UBE2E2: variants seen among roughly 807,000 people sequenced by gnomAD.
UBE2E2 encodes the protein ubiquitin-conjugating enzyme E2 E2.
A neutral mutation model predicts 24.7 loss-of-function variants in UBE2E2; 6 were observed. That is an observed-to-expected ratio of 0.24 (90% confidence interval 0.13 to 0.48). UBE2E2 has a LOEUF of 0.48. Among genes scored for constraint, UBE2E2 ranks in the 20% least tolerant of loss-of-function variants. The probability of loss-of-function intolerance (pLI) is 0.99; values close to 1 mark genes in which losing one functional copy is unlikely to be tolerated. For synonymous variants in UBE2E2, 104 were observed against 83.6 expected, an observed-to-expected ratio of 1.24 and a Z score of -1.33; for missense variants, 169 against 245.0, an observed-to-expected ratio of 0.69 and a Z score of 2.07.
At chr3:23,545,002 A>G (rs1400979435) in intron 5 of UBE2E2, among the ~76,000 whole-genome samples, 2 of 152,218 alleles carry the variant, frequency 1.3e-5, no homozygotes, top group East Asian at 1.9e-4. Context: ...AAACATCTCA[A>G]TGCTTTACAA....
intron 5 of UBE2E2, among the ~76,000 whole-genome samples, chr3:23,566,450 T>C (rs1443296535): frequency 1.3e-5 from 2 of 152,148 alleles, no homozygotes; most frequent in African/African-American, 4.8e-5. Flanking sequence ...ACTCCAGACA[T>C]GTGTTAGTCC....
At chr3:23,333,646 G>A (rs896525746) in intron 3 of UBE2E2, among the ~76,000 whole-genome samples, 2 of 152,086 alleles carry the variant, frequency 1.3e-5, no homozygotes, top group African/African-American at 4.8e-5. Context: ...ATGAATGACA[G>A]TGTTAAAATA....
At chr3:23,249,800 C>T (rs1697523786) in intron 3 of UBE2E2, among the ~76,000 whole-genome samples, 1 of 151,974 alleles carries the variant, frequency 6.6e-6, no homozygotes, top group African/African-American at 2.4e-5. Context: ...GGACTACAGG[C>T]ACCCGCCACC....
chr3:23,306,230 G>T (rs561290971), intron 3 of UBE2E2, among the ~76,000 whole-genome samples: 1 of 152,186 alleles, frequency 6.6e-6, no homozygotes, highest in Non-Finnish European at 1.5e-5. Flanking sequence ...AGTCTATTCT[G>T]TTATTTGAGG....
chr3:23,363,347 C>G, intron 3 of UBE2E2, among the ~76,000 whole-genome samples: 1 of 152,184 alleles, frequency 6.6e-6, no homozygotes, highest in Non-Finnish European at 1.5e-5. Flanking sequence ...TTAAAAGGCA[C>G]AGAATGACAG....
intron 3 of UBE2E2, among the ~76,000 whole-genome samples, chr3:23,303,607 G>T (rs1699161355): frequency 6.6e-6 from 1 of 152,112 alleles, no homozygotes. Flanking sequence ...TAATAAGAAT[G>T]CATTTAAATA....
At chr3:23,222,351 TTTG>T (rs1696672429) in intron 3 of UBE2E2, among the ~76,000 whole-genome samples, 1 of 152,158 alleles carries the variant, frequency 6.6e-6, no homozygotes, top group Non-Finnish European at 1.5e-5. Flanking sequence ...CTCCTTTCTT[TTTG>T]ATATATACTG....
intron 3 of UBE2E2, among the ~76,000 whole-genome samples, chr3:23,230,049 A>G (rs1196282858): frequency 6.6e-6 from 1 of 152,218 alleles, no homozygotes; most frequent in Non-Finnish European, 1.5e-5. Flanking sequence ...ATACATAACT[A>G]CATACTACGT....
chr3:23,584,462 TG>T (rs143657873), intron 5 of UBE2E2, among the ~76,000 whole-genome samples: 2,253 of 152,160 alleles, frequency 0.015, 62 homozygotes, highest in African/African-American at 0.051. Flanking sequence ...AGAGGCAAGG[TG>T]GGAGTTGTCT....
chr3:23,316,701 T>C (rs1450738284), intron 3 of UBE2E2, among the ~76,000 whole-genome samples: 1 of 151,928 alleles, frequency 6.6e-6, no homozygotes, highest in Non-Finnish European at 1.5e-5. Flanking sequence ...GCTGGGAATG[T>C]TCTGGGTCAT....
Position 23,335,982 on chromosome 3 carries a change from C to T in UBE2E2, c.227+118670C>T, listed in dbSNP as rs372664577. 1.4e-4 allele frequency among the ~76,000 whole-genome samples: 22 copies of T among 152,180 alleles called. No individual in the cohort carries two copies. The South Asian group carries it at 1.9e-3, about 13-fold the overall frequency. On this transcript the variant is annotated intron_variant, in intron 3 of 5. Transcript: ENST00000396703. Reference sequence around the variant, plus strand: ...CCCAGTGCCTCAAAATACCAGATACCGTGTTCATCATTCTCTCAGACATGA... The same window carrying T: ...CCCAGTGCCTCAAAATACCAGATACTGTGTTCATCATTCTCTCAGACATGA...
At chr3:23,561,427 C>T (rs1212846381) in intron 5 of UBE2E2, among the ~76,000 whole-genome samples, 4 of 152,094 alleles carry the variant, frequency 2.6e-5, no homozygotes, top group Admixed American at 6.6e-5. Context: ...TTCCATTGGT[C>T]TATATCTCTG....
chr3:23,456,639 A>G (rs1698685539), intron 3 of UBE2E2, among the ~76,000 whole-genome samples: 1 of 152,212 alleles, frequency 6.6e-6, no homozygotes, highest in South Asian at 2.1e-4. Context: ...TTGTTTTTGA[A>G]CAGTAGGTCT....
intron 3 of UBE2E2, among the ~76,000 whole-genome samples, chr3:23,400,869 G>C (rs1697206447): frequency 6.6e-6 from 1 of 151,846 alleles, no homozygotes; most frequent in African/African-American, 2.4e-5. Flanking sequence ...AGGCTATTCT[G>C]GGTACTAGGG....
intron 3 of UBE2E2, among the ~76,000 whole-genome samples, chr3:23,421,644 G>T (rs1183941729): frequency 6.6e-6 from 1 of 152,216 alleles, no homozygotes; most frequent in Admixed American, 6.5e-5. Context: ...CTGACCTCAT[G>T]ACCCGCCCAC....
chr3:23,285,027 C>T lies in UBE2E2; in HGVS notation c.227+67715C>T, dbSNP rs531209296. On this transcript the variant is annotated intron_variant, in intron 3 of 5. Transcript: ENST00000396703. Reference sequence around the variant, plus strand: ...CTCCACTCCCCCCACCCCATGCCTCCCACTACTCTCCCTAGCTTCTGGTAA... The same window carrying T: ...CTCCACTCCCCCCACCCCATGCCTCTCACTACTCTCCCTAGCTTCTGGTAA... Among the ~76,000 whole-genome samples, 345 of 151,616 alleles carry T rather than the reference C, an allele frequency of 2.3e-3. 2 individuals carry two copies. The highest frequency in any genetic ancestry group is 8.0e-3 in the African/African-American group (330 of 41,300).
intron 4 of UBE2E2, among the ~76,000 whole-genome samples, chr3:23,500,530 C>T (rs925535807): frequency 1.3e-5 from 2 of 152,124 alleles, no homozygotes; most frequent in Non-Finnish European, 2.9e-5. Flanking sequence ...AAGGAAATGA[C>T]CCTGAGGACA....
chr3:23,303,676 T>A (rs1699163828), intron 3 of UBE2E2, among the ~76,000 whole-genome samples: 1 of 152,192 alleles, frequency 6.6e-6, no homozygotes, highest in African/African-American at 2.4e-5. Flanking sequence ...GTGACAAGTA[T>A]AACACTTGAA....
At chr3:23,308,600 CTT>C (rs1699294013) in intron 3 of UBE2E2, among the ~76,000 whole-genome samples, 1 of 152,110 alleles carries the variant, frequency 6.6e-6, no homozygotes, top group African/African-American at 2.4e-5. Context: ...TTATTAGACA[CTT>C]GACATCTGTT....
Sources: allele counts gnomAD v4.1 joint callset (sites outside exome capture counted in the v4.1 genomes callset), GRCh38; gene constraint gnomAD v4.1.1; transcripts MANE v1.5; gene names NCBI Gene and HGNC (gene_info 2026-07-23, HGNC 2026-07-21).